The following TMEM233 variants were observed in gnomAD, a reference collection of about 807,000 sequenced individuals.
TMEM233 encodes the protein dispanin subfamily B member 2.
A neutral mutation model predicts 11.2 loss-of-function variants in TMEM233; 6 were observed. The observed-to-expected ratio is 0.54, with a 90% CI of 0.29 to 1.06. The LOEUF is 1.06. Among genes scored for constraint, TMEM233 ranks in the 50% least tolerant of loss-of-function variants. The pLI is 0.08. For missense variants in TMEM233, 127 were observed against 144.7 expected (o/e 0.88, Z 0.63); for synonymous variants, 59 against 55.8 (o/e 1.06, Z -0.26).
chr12:119,623,041 A>C (rs1254673240), intron 1 of TMEM233, among the ~76,000 whole-genome samples: 1 of 152,154 alleles, frequency 6.6e-6, no homozygotes, highest in Non-Finnish European at 1.5e-5. Context: ...CAGCCAGGTC[A>C]CCAAGCACAG....
Position 119,594,224 on chromosome 12 carries a change from T to C in TMEM233, c.186+190T>C. ...AGCTCTCCCCGCAATCATCAGCACCTCCTCTGCACTCCTCGTGGTACTCAG... is the reference window on the plus strand; with the variant it reads ...AGCTCTCCCCGCAATCATCAGCACCCCCTCTGCACTCCTCGTGGTACTCAG... On this transcript the variant is annotated intron_variant, in intron 1 of 2. Coordinates refer to ENST00000426426, the MANE Select transcript of TMEM233 (RefSeq NM_001136534.3). This position sits in a 1 kb window ranked among gnomAD's most constrained non-coding sequence, Gnocchi z 5.6. 3.3e-6 allele frequency: 2 copies of C among 600,440 alleles called. No homozygotes were observed. The highest frequency in any genetic ancestry group is 5.9e-6 in the Non-Finnish European group (2 of 339,696). The allele number at this position is 600,440 out of a possible 1,614,324, so 37.2% of individuals were successfully genotyped here.
rs185646328 is a variant in TMEM233, at chr12:119,595,415, C to T, written c.186+1381C>T. On this transcript the variant is annotated intron_variant, in intron 1 of 2. Coordinates refer to ENST00000426426, the MANE Select transcript of TMEM233 (RefSeq NM_001136534.3). The surrounding 1 kb of genome is among the most constrained non-coding windows in gnomAD (Gnocchi z 4.3). ...GGCACCATATTCGATTCGTGGGCAC[C>T]TGCAAGGCTCCATTTGCACCCGTAA... is the stretch of plus-strand genomic sequence containing the variant. Among the ~76,000 whole-genome samples the T allele has an allele frequency of 2.7e-3, 405 of 152,374 alleles. 7 individuals are homozygous for T. The highest frequency in any genetic ancestry group is 2.2e-3 in the Non-Finnish European group (150 of 68,042).
At chr12:119,615,673 G>T (rs943009817) in intron 1 of TMEM233, among the ~76,000 whole-genome samples, 9 of 152,140 alleles carry the variant, frequency 5.9e-5, no homozygotes, top group African/African-American at 2.2e-4. Flanking sequence ...TCTCATCCAG[G>T]GTATCATGTG....
downstream of TMEM233, among the ~76,000 whole-genome samples, chr12:119,647,053 A>T (rs1955162364): frequency 1.3e-5 from 2 of 152,074 alleles, no homozygotes; most frequent in Non-Finnish European, 2.9e-5. Context: ...ACGGAATTAA[A>T]ACTCAAACTT....
intron 1 of TMEM233, among the ~76,000 whole-genome samples, chr12:119,596,034 C>CT (rs1255257595): frequency 1.3e-5 from 2 of 152,074 alleles, no homozygotes; most frequent in Non-Finnish European, 2.9e-5. Context: ...AATCATTAAC[C>CT]TTTTTTTCCC....
chr12:119,617,768 G>A (rs530342802), intron 1 of TMEM233, among the ~76,000 whole-genome samples: 1 of 152,256 alleles, frequency 6.6e-6, no homozygotes, highest in South Asian at 2.1e-4. Flanking sequence ...GGGAGGTGGA[G>A]GTTGCAGTGA....
chr12:119,628,032 C>T (rs12815713), intron 1 of TMEM233, among the ~76,000 whole-genome samples: 7,427 of 152,314 alleles, frequency 0.049, 271 homozygotes, highest in Non-Finnish European at 0.076. Flanking sequence ...TGCAGCACTG[C>T]CCTGAGCTGC....
rs142715186 is a variant in TMEM233, at chr12:119,593,902, C to G, written c.54C>G (p.Pro18=). Residue 18 remains proline, a synonymous_variant, in exon 1 of 3, where the codon CCC becomes CCG. Coordinates refer to ENST00000426426, the MANE Select transcript of TMEM233 (RefSeq NM_001136534.3). The surrounding 1 kb of genome is among the most constrained non-coding windows in gnomAD (Gnocchi z 4.1). ...TCAAGAGGGCTTTGGACAGCAGTCCCGAGGCCAACACTGAAGATGACAAGA... is the reference window on the plus strand; with the variant it reads ...TCAAGAGGGCTTTGGACAGCAGTCCGGAGGCCAACACTGAAGATGACAAGA... The part of the protein sequence containing the change: ...PDFKRALDSS[P]EANTEDDKTE... 349 of 1,551,718 alleles carry G rather than the reference C, an allele frequency of 2.2e-4. No homozygotes were observed. In the African/African-American group the frequency reaches 3.8e-3, roughly 17 times the overall value.
At chr12:119,615,651 T>C (rs183444849) in intron 1 of TMEM233, among the ~76,000 whole-genome samples, 252 of 152,252 alleles carry the variant, frequency 1.7e-3, no homozygotes, top group South Asian at 4.1e-3. Flanking sequence ...AGCAATCCCA[T>C]AGGTACTGCT....
At chr12:119,640,367 A>G (rs547838861) in intron 2 of TMEM233, among the ~76,000 whole-genome samples, 111 of 152,258 alleles carry the variant, frequency 7.3e-4, no homozygotes, top group South Asian at 4.8e-3. Context: ...CATGTTAGCC[A>G]GGATGGTCTC....
the TMEM233 span, among the ~76,000 whole-genome samples, chr12:119,650,579 C>A: frequency 6.6e-6 from 1 of 151,898 alleles, no homozygotes; most frequent in Admixed American, 6.6e-5. Context: ...ACTTTTACGG[C>A]CGATTTGCAT....
rs770171674 is a variant in TMEM233 at position 119,629,887 on chromosome 12, T to C, written c.323+15T>C. 34 of 1,548,252 alleles carry C rather than the reference T, an allele frequency of 2.2e-5. 2 individuals are homozygous for C. The highest frequency in any genetic ancestry group is 2.2e-4 in the South Asian group (18 of 83,474). On this transcript the variant is annotated intron_variant, in intron 2 of 2. Transcript: ENST00000426426. ...TTCACAAGGAAGTAAGTAGGCTTTT[T>C]GAATCCCTCCCCATGTCAAACGCCC...
At chr12:119,640,055 A>C (rs764831630) in intron 2 of TMEM233, among the ~76,000 whole-genome samples, 23 of 152,244 alleles carry the variant, frequency 1.5e-4, no homozygotes, top group Non-Finnish European at 3.2e-4. Flanking sequence ...ACTTACACCA[A>C]ACTGCTAACA....
chr12:119,642,862 G>A lies in TMEM233; in HGVS notation c.*2157G>A, dbSNP rs1205241439. ...TGTCATTTTACCCGGATGTTGTGATGAGCCAGCACTTGTCCCAGGAGGACG... is the reference window on the plus strand; with the variant it reads ...TGTCATTTTACCCGGATGTTGTGATAAGCCAGCACTTGTCCCAGGAGGACG... On this transcript the variant is annotated 3_prime_UTR_variant, in exon 3 of 3. Coordinates refer to ENST00000426426, the MANE Select transcript of TMEM233 (RefSeq NM_001136534.3). The A allele has an allele frequency of 6.6e-6, 1 of 151,864 alleles. No individual in the cohort carries two copies. The highest frequency in any genetic ancestry group is 2.4e-5 in the African/African-American group (1 of 41,326). The allele number at this position is 151,864 out of a possible 1,614,324, so 9.4% of individuals were successfully genotyped here. A position where few individuals can be genotyped will look rare whatever the true frequency, so the allele number is the denominator to read the frequency against.
intron 1 of TMEM233, among the ~76,000 whole-genome samples, chr12:119,599,663 T>C (rs966844550): frequency 6.6e-6 from 1 of 152,144 alleles, no homozygotes; most frequent in Non-Finnish European, 1.5e-5. Context: ...AGCTCAGAAA[T>C]TGGAGGTACC....
At chr12:119,602,242 G>A (rs1954183479) in intron 1 of TMEM233, among the ~76,000 whole-genome samples, 1 of 152,200 alleles carries the variant, frequency 6.6e-6, no homozygotes, top group Non-Finnish European at 1.5e-5. Context: ...GCTAGGTGTA[G>A]GGAGAAGATC....
At chr12:119,651,821 G>A in the TMEM233 span, among the ~76,000 whole-genome samples, 4 of 61,332 alleles carry the variant, frequency 6.5e-5, no homozygotes, top group African/African-American at 1.6e-4. Context: ...GTGAGACTCC[G>A]TCTCAAAAAA....
intron 1 of TMEM233, among the ~76,000 whole-genome samples, chr12:119,596,865 G>A (rs140575496): frequency 6.6e-6 from 1 of 152,290 alleles, no homozygotes; most frequent in African/African-American, 2.4e-5. Context: ...TTTAAGTTGA[G>A]CAAAACTGTT....
intron 1 of TMEM233, among the ~76,000 whole-genome samples, chr12:119,620,164 C>A (rs1439187493): frequency 6.6e-6 from 1 of 152,164 alleles, no homozygotes; most frequent in African/African-American, 2.4e-5. Context: ...GAGCTAAGAT[C>A]TGAAGTGTGA....
Sources: gnomAD v4.1 joint callset for allele counts (sites outside exome capture counted in the v4.1 genomes callset) on GRCh38, gnomAD v4.1.1 for gene constraint, Gnocchi (gnomAD v3.1) non-coding constraint, MANE v1.5 for transcripts, NCBI Gene and HGNC (gene_info 2026-07-23, HGNC 2026-07-21) for gene names.